The following RAPGEF6 variants were observed in gnomAD, a reference collection of about 807,000 sequenced individuals.
RAPGEF6 encodes Rap guanine nucleotide exchange factor 6, also known as PDZ domain containing guanine nucleotide exchange factor (GEF) 2.
In RAPGEF6, 56 loss-of-function variants were observed where a neutral mutation model predicts 171.4. That is an observed-to-expected ratio of 0.33 (90% CI 0.26 to 0.41). The LOEUF is 0.41. Among genes scored for constraint, RAPGEF6 ranks in the 10% least tolerant of loss-of-function variants. RAPGEF6 has a pLI of 1.00. For missense variants in RAPGEF6, 1,674 were observed against 1,921.4 expected (o/e 0.87, Z 2.41); for synonymous variants, 692 against 650.1 (o/e 1.06, Z -0.98).
intron 7 of RAPGEF6, among the ~76,000 whole-genome samples, chr5:131,511,054 T>C (rs1381672641): frequency 1.3e-5 from 2 of 152,210 alleles, no homozygotes; most frequent in Non-Finnish European, 2.9e-5. Flanking sequence ...CATTTCCCAA[T>C]ACTTTACTGT....
At chr5:131,554,691 A>G (rs1381244655) in intron 5 of RAPGEF6, among the ~76,000 whole-genome samples, 3 of 151,948 alleles carry the variant, frequency 2.0e-5, no homozygotes, top group African/African-American at 7.3e-5. Context: ...TAATTTTTGT[A>G]TTTTCAGTAG....
Position 131,548,116 on chromosome 5 carries a change from A to C in RAPGEF6, c.426T>G (p.Phe142Leu), listed in dbSNP as rs1010645295. 2 of 1,613,928 alleles carry C rather than the reference A, an allele frequency of 1.2e-6. No homozygotes were observed. The highest frequency in any genetic ancestry group is 2.7e-5 in the African/African-American group (2 of 74,912). The change falls in exon 6 of 28, where the codon TTT becomes TTG. Residue 142 changes from phenylalanine to leucine, a missense_variant. Phe to Leu is a conservative substitution (Grantham distance 22). Around this residue, in one of 3 missense-constraint regions of RAPGEF6, gnomAD observed 1,116 missense variants for 1,321.5 expected, o/e 0.84. Transcript: ENST00000509018. ...GCTCTCCTTTATAGTTAATTTTCCG[A>C]AATCTTCTTCGGGATTGTCTGGCAG... ...EIPARQSRRR[F>L]RKINYKGERQ...
chr5:131,577,189 C>A (rs758661955), intron 4 of RAPGEF6, among the ~76,000 whole-genome samples: 2 of 152,182 alleles, frequency 1.3e-5, no homozygotes, highest in Non-Finnish European at 2.9e-5. Flanking sequence ...AGTCCGATAA[C>A]GGACCGGCCT....
intron 13 of RAPGEF6, among the ~76,000 whole-genome samples, chr5:131,493,225 C>T (rs1426732053): frequency 2.0e-5 from 3 of 152,152 alleles, no homozygotes; most frequent in East Asian, 1.9e-4. Context: ...CCACCATGCC[C>T]GGCTAATTTT....
At chr5:131,436,425 T>C (rs1326413198) in intron 24 of RAPGEF6, 1 of 1,430,000 alleles carries the variant, frequency 7.0e-7, no homozygotes, top group South Asian at 1.3e-5. Flanking sequence ...CAATCACAAT[T>C]AGCCTTGTTT....
intron 16 of RAPGEF6, among the ~76,000 whole-genome samples, chr5:131,476,104 A>G (rs1755073326): frequency 6.6e-6 from 1 of 152,204 alleles, no homozygotes; most frequent in Non-Finnish European, 1.5e-5. Context: ...CACAATCAAC[A>G]TTTTGATATT....
intron 1 of RAPGEF6, among the ~76,000 whole-genome samples, chr5:131,632,592 T>G (rs1766381639): frequency 6.6e-6 from 1 of 152,204 alleles, no homozygotes. Context: ...TAAGTCTTAC[T>G]AGGGCAGACC....
chr5:131,569,493 T>C lies in RAPGEF6; in HGVS notation c.282-7446A>G, dbSNP rs140226304. 4.2e-3 allele frequency among the ~76,000 whole-genome samples: 647 copies of C among 152,258 alleles called. 8 individuals carry two copies. Among genetic ancestry groups the C allele is most frequent in the African/African-American group, 0.015 (614 of 41,550 alleles). On this transcript the variant is annotated intron_variant, in intron 4 of 27. Coordinates refer to ENST00000509018, the MANE Select transcript of RAPGEF6 (RefSeq NM_016340.6). The stretch of plus-strand genomic sequence containing the variant: ...AAACAGCCTTTTCAATAAACCATGC[T>C]AGGTAAAATGAATATGCAAATATCC...
intron 11 of RAPGEF6, among the ~76,000 whole-genome samples, chr5:131,499,874 C>G (rs1169856546): frequency 2.6e-5 from 4 of 152,038 alleles, no homozygotes; most frequent in African/African-American, 9.7e-5. Context: ...TAAAAAGGTA[C>G]TTTATTTATT....
At chr5:131,462,181 T>G (rs1484776137) in intron 18 of RAPGEF6, 93 bp from the exon 19 acceptor site, 4 of 1,054,848 alleles carry the variant, frequency 3.8e-6, no homozygotes, top group Non-Finnish European at 5.0e-6. Flanking sequence ...ATCATTTTAC[T>G]GTTAATAACT....
At chr5:131,603,510 A>G (rs1218855631) in intron 2 of RAPGEF6, among the ~76,000 whole-genome samples, 183 bp from the exon 3 acceptor site, 1 of 152,056 alleles carries the variant, frequency 6.6e-6, no homozygotes. Flanking sequence ...TACATAATGC[A>G]ATAATATAGG....
Position 131,462,011 on chromosome 5 carries a change from T to A in RAPGEF6, c.2558A>T (p.Gln853Leu). 1 of 1,613,940 alleles carries A rather than the reference T, an allele frequency of 6.2e-7. No homozygotes were observed. The highest frequency in any genetic ancestry group is 1.1e-5 in the South Asian group (1 of 91,046). The change falls in exon 19 of 28, where the codon CAG (glutamine) becomes CTG (leucine). Residue 853 changes from glutamine (Q) to leucine (L), a missense_variant. Gln to Leu is a moderately radical substitution (Grantham distance 113, BLOSUM62 -2). Around this residue, in one of 3 missense-constraint regions of RAPGEF6, gnomAD observed 1,116 missense variants for 1,321.5 expected, o/e 0.84. Transcript: ENST00000509018. ...EDAQELVKESQLSMLQLSTIE... is the reference protein window; with the variant it reads ...EDAQELVKESLLSMLQLSTIE... ...GGTACTGAGCTGCAGCATGGATAGCTGGCTTTCCTTAACTAGTTCTTGAGC... is the reference window on the plus strand; with the variant it reads ...GGTACTGAGCTGCAGCATGGATAGCAGGCTTTCCTTAACTAGTTCTTGAGC...
intron 15 of RAPGEF6, among the ~76,000 whole-genome samples, chr5:131,481,822 C>A (rs926855886): frequency 6.6e-6 from 1 of 152,204 alleles, no homozygotes; most frequent in Non-Finnish European, 1.5e-5. Context: ...GCTGTGGAAG[C>A]AAACACTCAG....
At chr5:131,572,573 T>G (rs540048654) in intron 4 of RAPGEF6, among the ~76,000 whole-genome samples, 6 of 152,276 alleles carry the variant, frequency 3.9e-5, no homozygotes, top group African/African-American at 1.2e-4. Context: ...ACTGTGGAGA[T>G]GCCTGCTTTG....
chr5:131,552,925 C>A (rs1334167049), intron 5 of RAPGEF6, among the ~76,000 whole-genome samples: 1 of 152,102 alleles, frequency 6.6e-6, no homozygotes, highest in African/African-American at 2.4e-5. Flanking sequence ...ATGACACCTG[C>A]AAATACTCCA....
intron 4 of RAPGEF6, among the ~76,000 whole-genome samples, chr5:131,563,841 T>C (rs1434851847): frequency 6.6e-6 from 1 of 152,170 alleles, no homozygotes; most frequent in East Asian, 1.9e-4. Context: ...TCCTTATCTT[T>C]TGTTTCCCCC....
chr5:131,503,635 A>G (rs1580930133), intron 11 of RAPGEF6, among the ~76,000 whole-genome samples: 1 of 152,244 alleles, frequency 6.6e-6, no homozygotes, highest in East Asian at 1.9e-4. Flanking sequence ...TAGTGGCAAT[A>G]ATTTCGCCAA....
chr5:131,437,976 C>T (rs1477364110), intron 24 of RAPGEF6, among the ~76,000 whole-genome samples: 1 of 151,926 alleles, frequency 6.6e-6, no homozygotes, highest in Non-Finnish European at 1.5e-5. Context: ...TCTTGTCACC[C>T]AGGTTAGGCA....
At chr5:131,527,707 C>T (rs1758978677) in intron 6 of RAPGEF6, among the ~76,000 whole-genome samples, 1 of 152,018 alleles carries the variant, frequency 6.6e-6, no homozygotes, top group South Asian at 2.1e-4. Context: ...TAAAAGTAAG[C>T]CACCAGAATT....
Sources: gnomAD v4.1 joint callset for allele counts (sites outside exome capture counted in the v4.1 genomes callset) on GRCh38, gnomAD v4.1.1 for gene constraint, gnomAD v4.1.1 regional missense constraint, MANE v1.5 for transcripts, NCBI Gene and HGNC (gene_info 2026-07-23, HGNC 2026-07-21) for gene names.